PDCL3: variants seen among roughly 807,000 people sequenced by gnomAD.
The protein encoded by PDCL3 is phosducin like 3.
Under a neutral mutation model 26.5 loss-of-function variants are expected in PDCL3, and 22 were observed. The ratio of observed to expected loss-of-function variants is 0.83; its 90% CI spans 0.59 to 1.19. PDCL3 has a LOEUF of 1.19. Ranked by LOEUF, PDCL3 falls within the 50% of genes most tolerant of loss-of-function variation. The pLI is 0.00. For synonymous variants in PDCL3, 81 were observed against 104.9 expected, an observed-to-expected ratio of 0.77 and a Z score of 1.39; for missense variants, 246 against 294.1, an observed-to-expected ratio of 0.84 and a Z score of 1.20.
chr2:100,573,188 T>G (rs752201496), intron 5 of PDCL3, among the ~76,000 whole-genome samples: 6 of 152,046 alleles, frequency 3.9e-5, no homozygotes, highest in Admixed American at 2.6e-4. Flanking sequence ...CGGCTGTGTT[T>G]TTAAATTCCT....
rs767922238 is a variant in PDCL3 at position 100,569,683 on chromosome 2, C to T, written c.330C>T (p.Gly110=). 1.1e-5 allele frequency: 17 copies of T among 1,613,426 alleles called. No individual in the cohort carries two copies. The East Asian group carries it at 2.5e-4, about 23-fold the overall frequency. The stretch of plus-strand genomic sequence containing the variant: ...ATGTTCAAGAAGTTACCAAAGCTGG[C>T]GAGGGCTTGTGGGTCATCTTGCACC... ...KDYVQEVTKA[G]EGLWVILHLY... The change falls in exon 4 of 6, where the codon GGC becomes GGT. Residue 110 remains glycine (G), a synonymous_variant. Coordinates refer to ENST00000264254, the MANE Select transcript of PDCL3 (RefSeq NM_024065.5).
At position 100,574,441 on chromosome 2, in the gene PDCL3, C is replaced by CT. The variant is rs879348667; in HGVS notation, c.578-1900dup. Among the ~76,000 whole-genome samples the CT allele has an allele frequency of 1.7e-3, 248 of 142,776 alleles. 1 individual carries two copies. In the Middle Eastern group the frequency reaches 0.033, roughly 19 times the overall value. The allele number at this position is 142,776 out of a possible 152,430, so 93.7% of individuals were successfully genotyped here. ...TGGTGTTACTCATCTTCGTGGAACA[C>CT]TTTTTTTTTTTTTACCCAGCATGAC... On this transcript the variant is annotated intron_variant, in intron 5 of 5. Transcript: ENST00000264254.
chr2:100,565,385 C>T (rs1226107986), intron 1 of PDCL3, among the ~76,000 whole-genome samples: 1 of 151,632 alleles, frequency 6.6e-6, no homozygotes, highest in Non-Finnish European at 1.5e-5. Context: ...TGCCACTCTC[C>T]TGCCTCAGCC....
chr2:100,573,535 C>T (rs1186840707), intron 5 of PDCL3, among the ~76,000 whole-genome samples: 6 of 151,672 alleles, frequency 4.0e-5, no homozygotes, highest in Admixed American at 3.3e-4. Context: ...ATTAGCTGGG[C>T]GTGGTGGCGG....
intron 3 of PDCL3, 97 bp from the exon 4 acceptor site, chr2:100,569,481 A>G (rs892307422): frequency 7.0e-7 from 1 of 1,422,084 alleles, no homozygotes; most frequent in African/African-American, 1.4e-5. Flanking sequence ...CCATAAGACC[A>G]ATAAATAAAC....
Position 100,576,697 on chromosome 2 carries a change from C to G in PDCL3, c.*201C>G. On this transcript the variant is annotated 3_prime_UTR_variant, in exon 6 of 6. Coordinates refer to ENST00000264254, the MANE Select transcript of PDCL3 (RefSeq NM_024065.5). ...TTTTTTTTTTTAAATTATAGTATTT[C>G]CTCTAAAAAAAATTAAAACCAGCCA... The G allele has an allele frequency of 1.9e-6, 1 of 525,884 alleles. No individual in the cohort carries two copies. The highest frequency in any genetic ancestry group is 2.9e-6 in the Non-Finnish European group (1 of 349,746). 32.6% of individuals were successfully genotyped at this position (525,884 alleles called of 1,614,324 possible). A position where few individuals can be genotyped will look rare whatever the true frequency, so the allele number is the denominator to read the frequency against.
chr2:100,569,028 G>A lies in PDCL3; in HGVS notation c.224+7G>A, dbSNP rs772871935. On this transcript the variant is annotated splice_region_variant and intron_variant, in intron 3 of 5. Transcript: ENST00000264254. ...GTGCTATTGAAATGTACAGGTAAGC[G>A]CCACCCAGAGGGGCTGTTTGTTTTT... is the stretch of plus-strand genomic sequence containing the variant. The A allele has an allele frequency of 1.0e-5, 16 of 1,605,370 alleles. No individual in the cohort carries two copies. Among genetic ancestry groups the A allele is most frequent in the African/African-American group, 1.3e-5 (1 of 74,136 alleles).
intron 5 of PDCL3, among the ~76,000 whole-genome samples, chr2:100,575,376 C>T (rs1044443333): frequency 1.3e-5 from 2 of 152,152 alleles, no homozygotes; most frequent in Admixed American, 6.5e-5. Flanking sequence ...ACTTCGTGAT[C>T]CGCCCACCTT....
intron 1 of PDCL3, among the ~76,000 whole-genome samples, chr2:100,566,274 G>T (rs1324461613): frequency 6.6e-6 from 1 of 152,120 alleles, no homozygotes; most frequent in Non-Finnish European, 1.5e-5. Flanking sequence ...ATACTGATCT[G>T]CACTCCCTAT....
chr2:100,566,369 C>CTT (rs1326605653), intron 1 of PDCL3, 134 bp from the exon 2 acceptor site: 2 of 1,197,066 alleles, frequency 1.7e-6, no homozygotes, highest in African/African-American at 1.5e-5. Context: ...TCTTTTGACA[C>CTT]TTTCTCAGAA....
At chr2:100,571,094 G>A (rs1456891909) in intron 4 of PDCL3, among the ~76,000 whole-genome samples, 1 of 134,914 alleles carries the variant, frequency 7.4e-6, no homozygotes, top group Non-Finnish European at 1.5e-5. Context: ...CCTGGGCAAC[G>A]TGGTGAAACC....
At chr2:100,575,638 A>G (rs1334005730) in intron 5 of PDCL3, among the ~76,000 whole-genome samples, 5 of 152,304 alleles carry the variant, frequency 3.3e-5, no homozygotes, top group African/African-American at 1.2e-4. Context: ...AGAGTGAAGT[A>G]TTGGAGCTGA....
intron 2 of PDCL3, 25 bp downstream of exon 2, chr2:100,566,654 A>C (rs1675068019): frequency 1.9e-6 from 3 of 1,612,688 alleles, no homozygotes; most frequent in East Asian, 4.5e-5. Context: ...TTTCCTCTGC[A>C]CCTGTCTGGG....
At chr2:100,575,338 T>G (rs1675261397) in intron 5 of PDCL3, among the ~76,000 whole-genome samples, 1 of 152,134 alleles carries the variant, frequency 6.6e-6, no homozygotes, top group South Asian at 2.1e-4. Flanking sequence ...GGTTTCACCG[T>G]GTTAGCCAGG....
intron 5 of PDCL3, among the ~76,000 whole-genome samples, chr2:100,575,814 C>T (rs1205035919): frequency 6.6e-6 from 1 of 152,148 alleles, no homozygotes; most frequent in African/African-American, 2.4e-5. Context: ...ATTAGATTGC[C>T]AGAAGGTCTG....
At position 100,566,519 on chromosome 2, in the gene PDCL3, C is replaced by T; in HGVS notation, c.23C>T (p.Thr8Ile). The change falls in exon 2 of 6, where the codon ACT becomes ATT. Residue 8 changes from threonine (T) to isoleucine (I), a missense_variant. Thr to Ile is a moderately conservative substitution (Grantham distance 89). Coordinates refer to ENST00000264254, the MANE Select transcript of PDCL3 (RefSeq NM_024065.5). Reference protein sequence around the residue: MQDPNADTEWNDILRKKG... With the variant: MQDPNADIEWNDILRKKG... ...CTCTTCTAGGACCCCAACGCAGACA[C>T]TGAATGGAATGACATCTTACGCAAA... The T allele has an allele frequency of 6.2e-7, 1 of 1,612,646 alleles. No homozygotes were observed.
At chr2:100,571,485 T>C in intron 4 of PDCL3, 105 bp from the exon 5 acceptor site, 1 of 1,008,498 alleles carries the variant, frequency 9.9e-7, no homozygotes, top group Non-Finnish European at 1.5e-6. Context: ...CAGAATTACT[T>C]GTGAAACTGT....
At chr2:100,574,948 A>G (rs886400225) in intron 5 of PDCL3, among the ~76,000 whole-genome samples, 8 of 152,168 alleles carry the variant, frequency 5.3e-5, no homozygotes, top group Admixed American at 2.6e-4. Context: ...CAAAAAAGAA[A>G]GTAGCCAGGT....
At chr2:100,567,887 A>G (rs990574103) in intron 2 of PDCL3, among the ~76,000 whole-genome samples, 4 of 151,710 alleles carry the variant, frequency 2.6e-5, no homozygotes, top group Admixed American at 6.6e-5. Flanking sequence ...CAGTGGCGCA[A>G]TCTTGGCTCA....
Sources: allele counts gnomAD v4.1 joint callset (sites outside exome capture counted in the v4.1 genomes callset), GRCh38; gene constraint gnomAD v4.1.1; transcripts MANE v1.5; gene names NCBI Gene and HGNC (gene_info 2026-07-23, HGNC 2026-07-21).